Variants in COL12A1 observed in about 807,000 individuals in gnomAD.
The protein encoded by COL12A1 is collagen alpha-1(XII) chain.
In COL12A1, 114 loss-of-function variants were observed where a neutral mutation model predicts 349.7. That is an observed-to-expected ratio of 0.33 (90% CI 0.28 to 0.38). The LOEUF (loss-of-function observed/expected upper bound fraction) is 0.38, where lower values mean the gene tolerates loss of function less well. COL12A1 is among the 10% of genes least tolerant of loss of function. The pLI, the probability that COL12A1 is intolerant of heterozygous loss-of-function variation, is 1.00. For synonymous variants in COL12A1, 1,369 were observed against 1,329.0 expected, an observed-to-expected ratio of 1.03 and a Z score of -0.66; for missense variants, 3,284 against 3,756.9, an observed-to-expected ratio of 0.87 and a Z score of 3.29.
rs1342139315 is a variant in COL12A1, at chr6:75,155,719, C to T, written c.3386G>A (p.Arg1129Lys). 3 of 1,613,002 alleles carry T rather than the reference C, an allele frequency of 1.9e-6. No individual in the cohort carries two copies. The highest frequency in any genetic ancestry group is 2.5e-6 in the Non-Finnish European group (3 of 1,179,510). The change falls in exon 16 of 66, where the codon AGA becomes AAA. Residue 1129 changes from arginine to lysine, a missense_variant. Arg to Lys is a conservative substitution (Grantham distance 26). Transcript: ENST00000322507. ...VTFHPTGDDRRLGELVVGPYD... is the reference protein window; with the variant it reads ...VTFHPTGDDRKLGELVVGPYD... ...GGGTCCAACCACTAACTCCCCCAGT[C>T]TTCTGTCATCCCCCGTAGGGTGGAA...
intron 22 of COL12A1, 50 bp downstream of exon 22, chr6:75,148,308 G>C: frequency 1.9e-6 from 3 of 1,572,410 alleles, no homozygotes; most frequent in South Asian, 2.4e-5. Flanking sequence ...TAATGAGGAG[G>C]ACCCAATCTC....
intron 3 of COL12A1, among the ~76,000 whole-genome samples, chr6:75,193,232 C>G (rs1362828670): frequency 6.6e-6 from 1 of 152,048 alleles, no homozygotes; most frequent in African/African-American, 2.4e-5. Context: ...TGTTAGGTGT[C>G]AGTTATTCCC....
At chr6:75,157,259 G>C (rs1373721430) in intron 14 of COL12A1, among the ~76,000 whole-genome samples, 1 of 151,972 alleles carries the variant, frequency 6.6e-6, no homozygotes, top group Non-Finnish European at 1.5e-5. Flanking sequence ...TATATAATTA[G>C]AGTTCATAAG....
chr6:75,174,787 C>A (rs372608189), intron 13 of COL12A1, among the ~76,000 whole-genome samples: 73 of 152,280 alleles, frequency 4.8e-4, no homozygotes, highest in African/African-American at 1.7e-3. Flanking sequence ...GAACTATAAA[C>A]ACATCTCTTT....
chr6:75,143,203 CCTA>C, intron 26 of COL12A1, 46 bp downstream of exon 26: 1 of 1,603,584 alleles, frequency 6.2e-7, no homozygotes, highest in Non-Finnish European at 8.5e-7. Context: ...TTTTTTTAAA[CCTA>C]CTAGGAAAAC....
At chr6:75,102,142 A>G in intron 56 of COL12A1, 90 bp from the exon 57 acceptor site, 1 of 1,259,634 alleles carries the variant, frequency 7.9e-7, no homozygotes, top group Middle Eastern at 1.9e-4. Context: ...AATCTTCATC[A>G]CTTCATAAAT....
In COL12A1 at chr6:75,179,665, T is replaced by C. The variant is rs370229828; in HGVS notation, c.2164+1274A>G. Among the ~76,000 whole-genome samples the C allele has an allele frequency of 4.6e-5, 7 of 152,328 alleles. No homozygotes were observed. In the East Asian group the frequency reaches 9.6e-4, roughly 21 times the overall value. On this transcript the variant is annotated intron_variant, in intron 11 of 65. Transcript: ENST00000322507. ...ATCCCTGTCAGCAAATACTTCCTTATAACTATCTTAAATTCCTCACACTAT... is the reference window on the plus strand; with the variant it reads ...ATCCCTGTCAGCAAATACTTCCTTACAACTATCTTAAATTCCTCACACTAT...
chr6:75,109,148 G>A lies in COL12A1; in HGVS notation c.7970C>T (p.Ser2657Leu), dbSNP rs375966663. The A allele has an allele frequency of 3.8e-6, 6 of 1,594,516 alleles. No individual in the cohort carries two copies. In the African/African-American group the frequency reaches 5.4e-5, roughly 14 times the overall value. The change falls in exon 52 of 66, where the codon TCA becomes TTA. Residue 2657 changes from serine to leucine, a missense_variant. Physicochemically the swap from Ser to Leu is moderately radical, Grantham distance 145. Coordinates refer to ENST00000322507, the MANE Select transcript of COL12A1 (RefSeq NM_004370.6). Reference sequence around the variant, plus strand: ...GTCAATGTAAATCTTAACACTTTTTGAGGTCACTACAATATGAACCTAAAA... The same window carrying A: ...GTCAATGTAAATCTTAACACTTTTTAAGGTCACTACAATATGAACCTAAAA... ...SFHKVHIVVT[S>L]KSVKIYIDCY... is the part of the protein sequence containing the mutation.
At position 75,139,086 on chromosome 6, in the gene COL12A1, G is replaced by A. The variant is rs565471399; in HGVS notation, c.4958-125C>T. Reference sequence around the variant, plus strand: ...GAAAACTGATTGAATACATTGCTTAGAACCAAATATTTCACCAATTCCTAG... The same window carrying A: ...GAAAACTGATTGAATACATTGCTTAAAACCAAATATTTCACCAATTCCTAG... On this transcript the variant is annotated intron_variant, in intron 27 of 65. Coordinates refer to ENST00000322507, the MANE Select transcript of COL12A1 (RefSeq NM_004370.6). 2,026 of 1,063,124 alleles carry A rather than the reference G, an allele frequency of 1.9e-3. 4 individuals carry two copies. The highest frequency in any genetic ancestry group is 2.4e-3 in the Non-Finnish European group (1,820 of 742,932). 65.9% of individuals were successfully genotyped at this position (1,063,124 alleles called of 1,614,324 possible).
intron 38 of COL12A1, among the ~76,000 whole-genome samples, chr6:75,127,969 T>C (rs1766102870): frequency 6.6e-6 from 1 of 152,224 alleles, no homozygotes; most frequent in Non-Finnish European, 1.5e-5. Flanking sequence ...CAATTTAGTC[T>C]TAACTGACAC....
chr6:75,154,630 T>G (rs1767663646), intron 16 of COL12A1, 93 bp from the exon 17 acceptor site: 1 of 1,299,338 alleles, frequency 7.7e-7, no homozygotes, highest in Non-Finnish European at 1.0e-6. Flanking sequence ...TTTTCTTGAT[T>G]TACAAGCTTA....
At chr6:75,200,255 A>G (rs4276458) in intron 2 of COL12A1, among the ~76,000 whole-genome samples, 38,506 of 152,164 alleles carry the variant, frequency 0.25, 6,085 homozygotes, top group East Asian at 0.47. Flanking sequence ...GGAAGCAACC[A>G]GACATCTGTG....
At chr6:75,119,264 T>C in intron 45 of COL12A1, 78 bp from the exon 46 acceptor site, 2 of 1,609,662 alleles carry the variant, frequency 1.2e-6, no homozygotes, top group South Asian at 1.1e-5. Flanking sequence ...ACCCAACTGA[T>C]AAGAATCTGG....
chr6:75,133,457 GA>G, intron 33 of COL12A1, 35 bp from the exon 34 acceptor site: 1 of 1,581,954 alleles, frequency 6.3e-7, no homozygotes, highest in African/African-American at 1.4e-5. Flanking sequence ...GCATTGACTT[GA>G]AAAATTTGTG....
chr6:75,104,128 A>G (rs999182621), intron 54 of COL12A1, among the ~76,000 whole-genome samples: 2 of 152,230 alleles, frequency 1.3e-5, no homozygotes, highest in African/African-American at 2.4e-5. Context: ...TATGTGAATT[A>G]CATTCCTTGG....
intron 8 of COL12A1, among the ~76,000 whole-genome samples, chr6:75,186,790 A>G (rs1209608903): frequency 6.6e-6 from 1 of 152,194 alleles, no homozygotes; most frequent in Non-Finnish European, 1.5e-5. Flanking sequence ...TACAGCCATG[A>G]AAAAGAACAA....
chr6:75,095,261 A>G, intron 59 of COL12A1, 82 bp from the exon 60 acceptor site: 2 of 1,040,720 alleles, frequency 1.9e-6, no homozygotes, highest in Non-Finnish European at 2.9e-6. Flanking sequence ...CCTGTTTTAA[A>G]CGCGTTTAAA....
intron 8 of COL12A1, 67 bp from the exon 9 acceptor site, chr6:75,184,211 G>A (rs1269389007): frequency 1.2e-5 from 18 of 1,480,432 alleles, no homozygotes; most frequent in African/African-American, 2.8e-5. Flanking sequence ...TGGTCTTTAG[G>A]TTTGGACCTT....
At chr6:75,170,233 T>C (rs1027485628) in intron 13 of COL12A1, among the ~76,000 whole-genome samples, 5 of 152,230 alleles carry the variant, frequency 3.3e-5, no homozygotes, top group African/African-American at 9.6e-5. Flanking sequence ...TTTCATCTTA[T>C]AGATTGTTCC....
Sources: gnomAD v4.1 joint callset for allele counts (sites outside exome capture counted in the v4.1 genomes callset) on GRCh38, gnomAD v4.1.1 for gene constraint, MANE v1.5 for transcripts, NCBI Gene and HGNC (gene_info 2026-07-23, HGNC 2026-07-21) for gene names.